The following PGPEP1 variants were observed in gnomAD, a reference collection of about 807,000 sequenced individuals.
PGPEP1 encodes the protein pyroglutamyl-peptidase I.
A neutral mutation model predicts 24.1 loss-of-function variants in PGPEP1; 15 were observed. That is an observed-to-expected ratio of 0.62 (90% CI 0.42 to 0.96). The LOEUF (loss-of-function observed/expected upper bound fraction) is 0.96. Among genes scored for constraint, PGPEP1 ranks in the 40% least tolerant of loss-of-function variants. The pLI is 0.00. For missense variants in PGPEP1, 242 were observed against 273.4 expected (o/e 0.89, Z 0.81); for synonymous variants, 122 against 116.4 (o/e 1.05, Z -0.31).
chr19:18,359,295 C>T (rs1419015202), intron 4 of PGPEP1, among the ~76,000 whole-genome samples: 2 of 152,042 alleles, frequency 1.3e-5, no homozygotes, highest in Admixed American at 1.3e-4. Flanking sequence ...CCTATGGCTC[C>T]CATTGCACAT....
At chr19:18,348,012 C>T (rs1366077409) in intron 2 of PGPEP1, among the ~76,000 whole-genome samples, 6 of 152,038 alleles carry the variant, frequency 3.9e-5, no homozygotes, top group African/African-American at 9.7e-5. Context: ...GTTTCCCACC[C>T]GCAGTGTTCA....
intron 4 of PGPEP1, 107 bp from the exon 5 acceptor site, chr19:18,363,284 G>A (rs1293398832): frequency 2.3e-5 from 19 of 828,406 alleles, no homozygotes; most frequent in Non-Finnish European, 3.6e-5. Context: ...GTGGGTTGCT[G>A]GTAAGGTCTT....
At position 18,357,601 on chromosome 19, in the gene PGPEP1, G is replaced by A. The variant is rs561903317; in HGVS notation, c.423G>A (p.Ser141=). The A allele has an allele frequency of 2.2e-5, 36 of 1,606,704 alleles. No homozygotes were observed. Among genetic ancestry groups the A allele is most frequent in the South Asian group, 3.3e-5 (3 of 89,862 alleles). The part of the protein sequence containing the change: ...TLGLDVSVTI[S]QDAGRYLCDF... ...GCCTGGATGTGTCGGTGACCATCTCGCAGGATGCCGGCAGGTAGGGCCCTG... is the reference window on the plus strand; with the variant it reads ...GCCTGGATGTGTCGGTGACCATCTCACAGGATGCCGGCAGGTAGGGCCCTG... Residue 141 remains serine (S), a synonymous_variant, in exon 4 of 5, where the codon TCG becomes TCA. Transcript: ENST00000269919.
chr19:18,360,074 A>T (rs1436711659), intron 4 of PGPEP1, among the ~76,000 whole-genome samples: 1 of 152,018 alleles, frequency 6.6e-6, no homozygotes, highest in East Asian at 1.9e-4. Flanking sequence ...GTATAATCAC[A>T]GCTCACTGCA....
chr19:18,357,360 G>A, intron 3 of PGPEP1, 23 bp from the exon 4 acceptor site: 1 of 1,598,140 alleles, frequency 6.3e-7, no homozygotes, highest in Non-Finnish European at 8.6e-7. Flanking sequence ...GCCATGTTAA[G>A]TCCTGCCCCT....
At chr19:18,351,279 AAACTT>A (rs1971015879) in intron 2 of PGPEP1, among the ~76,000 whole-genome samples, 1 of 151,594 alleles carries the variant, frequency 6.6e-6, no homozygotes, top group Non-Finnish European at 1.5e-5. Context: ...AAACCAAACA[AAACTT>A]TACTTTTAAG....
rs201898854 is a variant in PGPEP1, at chr19:18,357,503, G to C, written c.325G>C (p.Val109Leu). 1 of 1,613,598 alleles carries C rather than the reference G, an allele frequency of 6.2e-7. No homozygotes were observed. The highest frequency in any genetic ancestry group is 2.2e-5 in the East Asian group (1 of 44,864). Residue 109 changes from valine to leucine, a missense_variant, in exon 4 of 5, where the codon GTG becomes CTG. Transcript: ENST00000269919. ...CRFCPGSQCC[V>L]EDGPESIDSI... Reference sequence around the variant, plus strand: ...CTTTTGCCCCGGCTCCCAGTGCTGCGTGGAGGACGGGCCTGAAAGCATTGA... The same window carrying C: ...CTTTTGCCCCGGCTCCCAGTGCTGCCTGGAGGACGGGCCTGAAAGCATTGA...
At position 18,364,103 on chromosome 19, in the gene PGPEP1, T is replaced by TCTTTCTTTCTTGCTTTCTTTCTTTCTTG. The variant is rs1971448592; in HGVS notation, c.*532_*559dup. The TCTTTCTTTCTTGCTTTCTTTCTTTCTTG allele has an allele frequency of 1.5e-5, 2 of 134,978 alleles. No homozygotes were observed. Among genetic ancestry groups the TCTTTCTTTCTTGCTTTCTTTCTTTCTTG allele is most frequent in the Non-Finnish European group, 3.0e-5 (2 of 66,716 alleles). 8.4% of individuals were successfully genotyped at this position (134,978 alleles called of 1,614,324 possible). On this transcript the variant is annotated 3_prime_UTR_variant, in exon 5 of 5. Coordinates refer to ENST00000269919, the MANE Select transcript of PGPEP1 (RefSeq NM_017712.4). ...GGCTGGCTTTCTTTCTTTCTTTCTT[T>TCTTTCTTTCTTGCTTTCTTTCTTTCTTG]CTTTCTTTCTTGCTTTCTTTCTTTC...
chr19:18,340,644 G>A lies in PGPEP1; in HGVS notation c.-38G>A. 3.3e-6 allele frequency: 5 copies of A among 1,520,878 alleles called. No individual in the cohort carries two copies. The highest frequency in any genetic ancestry group is 1.4e-5 in the African/African-American group (1 of 69,664). The allele number at this position is 1,520,878 out of a possible 1,614,324, so 94.2% of individuals were successfully genotyped here. A position where few individuals can be genotyped will look rare whatever the true frequency, so the allele number is the denominator to read the frequency against. On this transcript the variant is annotated 5_prime_UTR_variant, in exon 1 of 5. Coordinates refer to ENST00000269919, the MANE Select transcript of PGPEP1 (RefSeq NM_017712.4). ...AGCGGCAGCAGCTGTCGCGCCAGTC[G>A]CAACAGAAGCAGGTCCGAGGCACAG... is the stretch of plus-strand genomic sequence containing the variant.
chr19:18,342,483 T>C (rs1484841841), intron 1 of PGPEP1, among the ~76,000 whole-genome samples: 3 of 152,128 alleles, frequency 2.0e-5, no homozygotes, highest in African/African-American at 7.2e-5. Flanking sequence ...TCATTCCTCA[T>C]TTGGTGCCGA....
At chr19:18,346,919 T>C (rs1000344114) in intron 2 of PGPEP1, among the ~76,000 whole-genome samples, 3 of 151,684 alleles carry the variant, frequency 2.0e-5, no homozygotes, top group Non-Finnish European at 4.4e-5. Context: ...GGATTACAGG[T>C]GTGAGCCACC....
chr19:18,352,038 G>A (rs1971041943), intron 2 of PGPEP1, among the ~76,000 whole-genome samples: 1 of 151,780 alleles, frequency 6.6e-6, no homozygotes, highest in African/African-American at 2.4e-5. Flanking sequence ...TTGGGAGGCC[G>A]AGATGGGCGG....
intron 2 of PGPEP1, among the ~76,000 whole-genome samples, chr19:18,350,455 G>A (rs1440686253): frequency 6.6e-6 from 1 of 152,240 alleles, no homozygotes; most frequent in Non-Finnish European, 1.5e-5. Flanking sequence ...CCAGGCTTCA[G>A]TGTAACGATC....
chr19:18,361,954 T>G, intron 4 of PGPEP1: 3 of 889,518 alleles, frequency 3.4e-6, no homozygotes, highest in Non-Finnish European at 4.0e-6. Flanking sequence ...ATTCATAGGA[T>G]TCCATGGTGT....
chr19:18,342,750 G>A, intron 1 of PGPEP1, 109 bp from the exon 2 acceptor site: 1 of 829,296 alleles, frequency 1.2e-6, no homozygotes, highest in Non-Finnish European at 2.0e-6. Context: ...CTTGGCAGCT[G>A]CGCCCTGAAG....
chr19:18,353,231 T>C (rs530624923), intron 2 of PGPEP1, among the ~76,000 whole-genome samples: 132 of 151,854 alleles, frequency 8.7e-4, no homozygotes, highest in Non-Finnish European at 1.6e-3. Flanking sequence ...TTTTTTTTTT[T>C]TTTTGAGACA....
intron 2 of PGPEP1, among the ~76,000 whole-genome samples, chr19:18,351,723 G>A (rs1478214359): frequency 4.6e-5 from 7 of 151,870 alleles, no homozygotes; most frequent in African/African-American, 7.3e-5. Flanking sequence ...TGGGAGGATC[G>A]CTTGAGTCTA....
At chr19:18,353,688 G>A (rs1013705956) in intron 2 of PGPEP1, among the ~76,000 whole-genome samples, 1 of 152,070 alleles carries the variant, frequency 6.6e-6, no homozygotes, top group African/African-American at 2.4e-5. Context: ...TCTGCTTCCT[G>A]TCTCTATGGA....
chr19:18,346,131 C>A (rs187931140), intron 2 of PGPEP1, among the ~76,000 whole-genome samples: 1 of 152,168 alleles, frequency 6.6e-6, no homozygotes, highest in Non-Finnish European at 1.5e-5. Flanking sequence ...CGATGTAAAC[C>A]TCTGCAGACT....
Sources: gnomAD v4.1 joint callset for allele counts (sites outside exome capture counted in the v4.1 genomes callset) on GRCh38, gnomAD v4.1.1 for gene constraint, MANE v1.5 for transcripts, NCBI Gene and HGNC (gene_info 2026-07-23, HGNC 2026-07-21) for gene names.